Variants in ROBO2 observed in about 807,000 individuals in gnomAD.
ROBO2 encodes roundabout guidance receptor 2.
Under a neutral mutation model 160.8 loss-of-function variants are expected in ROBO2, and 53 were observed. The observed-to-expected ratio is 0.33, with a 90% CI of 0.26 to 0.41. The LOEUF (loss-of-function observed/expected upper bound fraction) is 0.41, where lower values mean the gene tolerates loss of function less well. Ranked by LOEUF, ROBO2 falls within the 10% of genes least tolerant of loss-of-function variation. The pLI, the probability that ROBO2 is intolerant of heterozygous loss-of-function variation, is 1.00. For synonymous variants in ROBO2, 664 were observed against 611.7 expected, an observed-to-expected ratio of 1.09 and a Z score of -1.26; for missense variants, 1,577 against 1,722.4, an observed-to-expected ratio of 0.92 and a Z score of 1.49.
At chr3:77,092,630 T>C (rs1429760036) in intron 1 of ROBO2, among the ~76,000 whole-genome samples, 1 of 146,960 alleles carries the variant, frequency 6.8e-6, no homozygotes, top group Non-Finnish European at 1.5e-5. Flanking sequence ...ATATAATATA[T>C]AAATTTGTAT....
chr3:76,511,928 A>G (rs1010690802), intron 2 of ROBO2, among the ~76,000 whole-genome samples: 1 of 152,306 alleles, frequency 6.6e-6, no homozygotes, highest in Non-Finnish European at 1.5e-5. Context: ...GAAATAGCCA[A>G]AATGGTTGTG....
At chr3:77,360,739 C>T (rs1397147137) in intron 2 of ROBO2, among the ~76,000 whole-genome samples, 1 of 151,944 alleles carries the variant, frequency 6.6e-6, no homozygotes, top group Non-Finnish European at 1.5e-5. Context: ...GGATTCCTCT[C>T]CTCTCTGACT....
rs971127996 is a variant in ROBO2, at chr3:76,155,557, C to T, written c.109+217955C>T. Among the ~76,000 whole-genome samples, 3 of 152,116 alleles carry T rather than the reference C, an allele frequency of 2.0e-5. No homozygotes were observed. The East Asian group carries it at 5.8e-4, about 29-fold the overall frequency. On this transcript the variant is annotated intron_variant, in intron 2 of 26. Transcript: ENST00000487694. ...AACAAGAAGGGATTACAAGAAAAGTCATAACAGGGGCTGCTTTTGGAGGGA... is the reference window on the plus strand; with the variant it reads ...AACAAGAAGGGATTACAAGAAAAGTTATAACAGGGGCTGCTTTTGGAGGGA...
At chr3:77,612,635 C>CA (rs1422607398) in intron 21 of ROBO2, among the ~76,000 whole-genome samples, 3 of 152,076 alleles carry the variant, frequency 2.0e-5, no homozygotes, top group Admixed American at 1.3e-4. Context: ...CACACACACA[C>CA]AAAATGACAC....
chr3:75,992,264 G>GA (rs1010530157), intron 2 of ROBO2, among the ~76,000 whole-genome samples: 8 of 152,120 alleles, frequency 5.3e-5, no homozygotes, highest in African/African-American at 1.9e-4. Flanking sequence ...AGGTTTAGGA[G>GA]AAAAAAATGG....
intron 2 of ROBO2, among the ~76,000 whole-genome samples, chr3:76,405,488 A>C (rs2078075167): frequency 6.6e-6 from 1 of 151,802 alleles, no homozygotes; most frequent in Admixed American, 6.6e-5. Context: ...ATCTAAAGGA[A>C]ATGCACAAAT....
At chr3:76,260,126 G>C (rs1706651895) in intron 2 of ROBO2, among the ~76,000 whole-genome samples, 2 of 152,216 alleles carry the variant, frequency 1.3e-5, no homozygotes, top group African/African-American at 4.8e-5. Context: ...GTATCACCCT[G>C]CAGAAAAGTG....
At chr3:77,461,632 T>G (rs2082253427) in intron 2 of ROBO2, among the ~76,000 whole-genome samples, 1 of 151,762 alleles carries the variant, frequency 6.6e-6, no homozygotes, top group South Asian at 2.1e-4. Context: ...TTTTATAATA[T>G]TAGATTTTTA....
At chr3:77,532,339 A>G (rs547096761) in intron 6 of ROBO2, among the ~76,000 whole-genome samples, 102 of 152,140 alleles carry the variant, frequency 6.7e-4, no homozygotes, top group African/African-American at 2.4e-3. Context: ...CTTTTACCAT[A>G]TGAATATGCA....
chr3:77,610,511 T>C (rs1196187510), intron 21 of ROBO2, among the ~76,000 whole-genome samples: 1 of 151,626 alleles, frequency 6.6e-6, no homozygotes, highest in African/African-American at 2.4e-5. Context: ...CTTGTAGAAG[T>C]TAAGTTTTGA....
At chr3:77,490,099 C>CTTTT (rs753903306) in intron 4 of ROBO2, among the ~76,000 whole-genome samples, 2 of 126,660 alleles carry the variant, frequency 1.6e-5, no homozygotes, top group Admixed American at 8.1e-5. Context: ...TTGTATTTTA[C>CTTTT]TTTTTTTTTT....
At chr3:76,152,602 A>C (rs985432318) in intron 2 of ROBO2, among the ~76,000 whole-genome samples, 4 of 152,084 alleles carry the variant, frequency 2.6e-5, no homozygotes, top group African/African-American at 9.7e-5. Flanking sequence ...ATTTGATTAG[A>C]GTTCTCTTTG....
At chr3:76,206,769 GGGATTCTA>G (rs1296972221) in intron 2 of ROBO2, among the ~76,000 whole-genome samples, 3 of 152,086 alleles carry the variant, frequency 2.0e-5, no homozygotes, top group Non-Finnish European at 4.4e-5. Context: ...TTTATAAAAG[GGGATTCTA>G]ATACATCCCC....
At chr3:76,215,390 G>A (rs1703442037) in intron 2 of ROBO2, among the ~76,000 whole-genome samples, 1 of 152,074 alleles carries the variant, frequency 6.6e-6, no homozygotes, top group South Asian at 2.1e-4. Context: ...TCGAACCATG[G>A]CAAAGAAGTT....
At chr3:76,844,730 A>G (rs1297295706) in intron 2 of ROBO2, among the ~76,000 whole-genome samples, 1 of 151,940 alleles carries the variant, frequency 6.6e-6, no homozygotes, top group African/African-American at 2.4e-5. Context: ...CTATTTTGCT[A>G]TGATAACACT....
intron 1 of ROBO2, among the ~76,000 whole-genome samples, chr3:77,052,927 C>T (rs1029001579): frequency 1.3e-5 from 2 of 152,214 alleles, no homozygotes; most frequent in South Asian, 4.1e-4. Flanking sequence ...TTCCCATAAG[C>T]ACTGGGATAT....
chr3:77,530,891 T>A (rs775753), intron 6 of ROBO2, among the ~76,000 whole-genome samples: 114,769 of 151,852 alleles, frequency 0.76, 43,635 homozygotes, highest in Admixed American at 0.82. Flanking sequence ...TGGTCTAAAT[T>A]GGGAAAAATA....
chr3:76,072,187 T>C (rs1371574108), intron 2 of ROBO2, among the ~76,000 whole-genome samples: 1 of 152,062 alleles, frequency 6.6e-6, no homozygotes, highest in Non-Finnish European at 1.5e-5. Context: ...AAGTTTTCCT[T>C]GGCTTTTAAA....
chr3:77,608,871 G>A (rs1179705414), intron 21 of ROBO2, among the ~76,000 whole-genome samples: 1 of 151,378 alleles, frequency 6.6e-6, no homozygotes, highest in East Asian at 1.9e-4. Flanking sequence ...TTCTATAATG[G>A]TTGTTTATTT....
Sources: gnomAD v4.1 joint callset for allele counts (sites outside exome capture counted in the v4.1 genomes callset) on GRCh38, gnomAD v4.1.1 for gene constraint, MANE v1.5 for transcripts, NCBI Gene and HGNC (gene_info 2026-07-23, HGNC 2026-07-21) for gene names.